Variants in AP3B1 observed in about 807,000 individuals in gnomAD.
The protein encoded by AP3B1 is AP-3 complex subunit beta-1.
A neutral mutation model predicts 132.5 loss-of-function variants in AP3B1; 61 were observed. The observed-to-expected ratio is 0.46, with a 90% CI of 0.37 to 0.57. The LOEUF (loss-of-function observed/expected upper bound fraction) is 0.57, where lower values mean the gene tolerates loss of function less well. Ranked by LOEUF, AP3B1 falls within the 20% of genes least tolerant of loss-of-function variation. The probability of loss-of-function intolerance (pLI) is 0.00; values close to 1 mark genes in which losing one functional copy is unlikely to be tolerated. For synonymous variants in AP3B1, 388 were observed against 438.3 expected, an observed-to-expected ratio of 0.89 and a Z score of 1.43; for missense variants, 1,120 against 1,289.4, an observed-to-expected ratio of 0.87 and a Z score of 2.01.
At chr5:78,080,683 C>A (rs575379290) in intron 22 of AP3B1, among the ~76,000 whole-genome samples, 1 of 141,410 alleles carries the variant, frequency 7.1e-6, no homozygotes, top group African/African-American at 2.6e-5. Flanking sequence ...TTTAGAGAAG[C>A]CTACTTTTCA....
intron 7 of AP3B1, among the ~76,000 whole-genome samples, chr5:78,208,595 AT>A (rs1217873317): frequency 2.0e-5 from 3 of 152,158 alleles, no homozygotes; most frequent in Admixed American, 2.0e-4. Context: ...CTCTAAAGGA[AT>A]TTAGTATGTT....
intron 1 of AP3B1, among the ~76,000 whole-genome samples, chr5:78,286,619 C>A (rs192102069): frequency 6.6e-6 from 1 of 152,210 alleles, no homozygotes; most frequent in African/African-American, 2.4e-5. Context: ...ATTACCCAGT[C>A]TCAGGTTTTT....
chr5:78,165,589 T>C, intron 12 of AP3B1, 21 bp downstream of exon 12: 1 of 1,564,392 alleles, frequency 6.4e-7, no homozygotes, highest in Non-Finnish European at 8.8e-7. Flanking sequence ...AAGTTTTTTA[T>C]AATTAGCACT....
At chr5:78,253,891 C>T (rs544233776) in intron 2 of AP3B1, among the ~76,000 whole-genome samples, 12 of 149,456 alleles carry the variant, frequency 8.0e-5, no homozygotes, top group South Asian at 4.2e-4. Flanking sequence ...GGCATGAACC[C>T]GGGAGGCGGA....
At chr5:78,202,696 A>G (rs1462074181) in intron 7 of AP3B1, among the ~76,000 whole-genome samples, 1 of 152,024 alleles carries the variant, frequency 6.6e-6, no homozygotes, top group Non-Finnish European at 1.5e-5. Context: ...CAAACAACTA[A>G]CTTGGAAGCA....
At chr5:78,166,553 G>A (rs1025458237) in intron 11 of AP3B1, among the ~76,000 whole-genome samples, 1 of 151,804 alleles carries the variant, frequency 6.6e-6, no homozygotes, top group African/African-American at 2.4e-5. Flanking sequence ...AATCTCCAAT[G>A]GGCTTGTGAA....
intron 20 of AP3B1, among the ~76,000 whole-genome samples, chr5:78,105,319 T>C (rs1751289436): frequency 6.6e-6 from 1 of 152,154 alleles, no homozygotes. Flanking sequence ...TCTAATATAC[T>C]GGGTAGTTGT....
chr5:78,224,772 T>C (rs1746335173), intron 6 of AP3B1, among the ~76,000 whole-genome samples: 1 of 152,016 alleles, frequency 6.6e-6, no homozygotes, highest in African/African-American at 2.4e-5. Context: ...AGGAACATTT[T>C]ACAATGACAA....
chr5:78,064,461 A>C (rs1423631919), intron 22 of AP3B1, among the ~76,000 whole-genome samples: 1 of 152,172 alleles, frequency 6.6e-6, no homozygotes, highest in East Asian at 1.9e-4. Context: ...CAGCCGTTAA[A>C]ATTGAAATGA....
chr5:78,260,492 G>T (rs1748042517), intron 2 of AP3B1, among the ~76,000 whole-genome samples: 2 of 152,138 alleles, frequency 1.3e-5, no homozygotes, highest in African/African-American at 4.8e-5. Context: ...TACTTGGGAG[G>T]CTGAGGCAGA....
At chr5:78,116,680 G>C (rs976314306) in intron 17 of AP3B1, among the ~76,000 whole-genome samples, 2 of 151,218 alleles carry the variant, frequency 1.3e-5, no homozygotes, top group Non-Finnish European at 2.9e-5. Context: ...CATCTCAACA[G>C]CCTAAATCCT....
intron 26 of AP3B1, among the ~76,000 whole-genome samples, chr5:78,012,321 A>C (rs1380046874): frequency 6.6e-6 from 1 of 150,892 alleles, no homozygotes; most frequent in Non-Finnish European, 1.5e-5. Flanking sequence ...TTTTAAATGA[A>C]ATTAAGAAAA....
chr5:78,177,451 A>G lies in AP3B1; in HGVS notation c.943-15T>C. On this transcript the variant is annotated splice_polypyrimidine_tract_variant and intron_variant, in intron 8 of 26. Coordinates refer to ENST00000255194, the MANE Select transcript of AP3B1 (RefSeq NM_003664.5). ...GCCATAACCACCTACAAGATAAAGC[A>G]TAAAAATAACAGAACTATGAACACT... 1 of 1,593,832 alleles carries G rather than the reference A, an allele frequency of 6.3e-7. No individual in the cohort carries two copies. Among genetic ancestry groups the G allele is most frequent in the Non-Finnish European group, 8.6e-7 (1 of 1,161,558 alleles).
chr5:78,005,585 T>C (rs900185242), intron 26 of AP3B1, among the ~76,000 whole-genome samples: 1 of 152,230 alleles, frequency 6.6e-6, no homozygotes, highest in African/African-American at 2.4e-5. Context: ...CAAATCATCC[T>C]AGCAACATAA....
intron 2 of AP3B1, among the ~76,000 whole-genome samples, chr5:78,250,383 A>G (rs1393370996): frequency 3.9e-5 from 6 of 152,226 alleles, no homozygotes; most frequent in East Asian, 1.9e-4. Flanking sequence ...GAGTGCTCTC[A>G]GGCTCCTTAC....
intron 7 of AP3B1, among the ~76,000 whole-genome samples, chr5:78,204,154 T>C (rs1009429239): frequency 6.6e-6 from 1 of 152,208 alleles, no homozygotes; most frequent in African/African-American, 2.4e-5. Context: ...CTCATCGTTT[T>C]CTGCTAAAAA....
At chr5:78,294,395 T>G in intron 1 of AP3B1, 57 bp downstream of exon 1, 1 of 1,611,414 alleles carries the variant, frequency 6.2e-7, no homozygotes. Flanking sequence ...TGGCGCCCAC[T>G]CCTCCGAGTC....
chr5:78,196,690 A>G (rs1275548544), intron 7 of AP3B1, among the ~76,000 whole-genome samples: 1 of 152,240 alleles, frequency 6.6e-6, no homozygotes, highest in East Asian at 1.9e-4. Context: ...AGTGCTAAAA[A>G]TAAATGAGCT....
intron 3 of AP3B1, among the ~76,000 whole-genome samples, chr5:78,235,272 T>C (rs1390084521): frequency 2.0e-5 from 3 of 152,216 alleles, no homozygotes; most frequent in African/African-American, 7.2e-5. Context: ...AGTTCTCCCT[T>C]ATCCCCTTAC....
Sources: allele counts gnomAD v4.1 joint callset (sites outside exome capture counted in the v4.1 genomes callset), GRCh38; gene constraint gnomAD v4.1.1; transcripts MANE v1.5; gene names NCBI Gene and HGNC (gene_info 2026-07-23, HGNC 2026-07-21).